Variants in SNX8 observed in about 807,000 individuals in gnomAD.
SNX8 encodes the protein sorting nexin-8.
Under a neutral mutation model 51.6 loss-of-function variants are expected in SNX8, and 25 were observed. The observed-to-expected ratio is 0.48, with a 90% CI of 0.35 to 0.68. SNX8 has a LOEUF of 0.68. Ranked by LOEUF, SNX8 falls within the 30% of genes least tolerant of loss-of-function variation. The pLI is 0.00. For missense variants in SNX8, 695 were observed against 624.0 expected (o/e 1.11, Z -1.21); for synonymous variants, 324 against 277.0 (o/e 1.17, Z -1.68).
intron 1 of SNX8, among the ~76,000 whole-genome samples, chr7:2,300,036 G>A (rs1418854187): frequency 2.0e-5 from 3 of 152,170 alleles, no homozygotes; most frequent in Non-Finnish European, 4.4e-5. Context: ...ACCAGAAAAT[G>A]TAACGCCTCA....
At chr7:2,285,554 G>T (rs1227857109) in intron 1 of SNX8, among the ~76,000 whole-genome samples, 2 of 152,172 alleles carry the variant, frequency 1.3e-5, no homozygotes, top group Non-Finnish European at 2.9e-5. Context: ...CTCGAACATG[G>T]AGAAATAGAG....
At chr7:2,257,658 C>T in intron 8 of SNX8, 77 bp downstream of exon 8, 2 of 1,574,462 alleles carry the variant, frequency 1.3e-6, no homozygotes, top group Non-Finnish European at 8.7e-7. Flanking sequence ...TTCCGTCCCC[C>T]AGGAGTTAGA....
Position 2,294,547 on chromosome 7 carries a change from G to A in SNX8, c.95-16242C>T, listed in dbSNP as rs1031057649. Among the ~76,000 whole-genome samples, 5 of 152,200 alleles carry A rather than the reference G, an allele frequency of 3.3e-5. No homozygotes were observed. In the South Asian group the frequency reaches 1.0e-3, roughly 31 times the overall value. On this transcript the variant is annotated intron_variant, in intron 1 of 10. Coordinates refer to ENST00000222990, the MANE Select transcript of SNX8 (RefSeq NM_013321.4). The stretch of plus-strand genomic sequence containing the variant: ...CCCAGCGGGTGATGACCTGCCCAAG[G>A]TCACAGAGCCAGCAAGGTGGCTGGG...
intron 1 of SNX8, among the ~76,000 whole-genome samples, chr7:2,334,692 T>A (rs1259096960): frequency 1.1e-4 from 17 of 150,928 alleles, no homozygotes; most frequent in African/African-American, 3.9e-4. Flanking sequence ...AGAGAGAGAC[T>A]CGGTCTCAAA....
intron 1 of SNX8, among the ~76,000 whole-genome samples, chr7:2,343,401 C>A (rs1274654299): frequency 6.6e-6 from 1 of 152,030 alleles, no homozygotes; most frequent in Non-Finnish European, 1.5e-5. Context: ...ACAGGCCGGG[C>A]ATGGTGGCTC....
intron 1 of SNX8, among the ~76,000 whole-genome samples, chr7:2,336,384 C>T (rs1778828948): frequency 6.6e-6 from 1 of 150,808 alleles, no homozygotes; most frequent in Non-Finnish European, 1.5e-5. Context: ...TGGGCAACTT[C>T]AGCCTGTCTC....
chr7:2,296,578 C>T (rs1796276817), intron 1 of SNX8, among the ~76,000 whole-genome samples: 1 of 151,866 alleles, frequency 6.6e-6, no homozygotes, highest in African/African-American at 2.4e-5. Context: ...ATTTCTCTTG[C>T]CTGATTGCTA....
At chr7:2,323,326 T>C (rs1227612357) in intron 1 of SNX8, among the ~76,000 whole-genome samples, 31 of 52,548 alleles carry the variant, frequency 5.9e-4, no homozygotes, top group Non-Finnish European at 6.7e-4. Flanking sequence ...TGAGAGTCTG[T>C]CTCAAAAAAA....
intron 1 of SNX8, among the ~76,000 whole-genome samples, chr7:2,299,048 C>G: frequency 6.6e-6 from 1 of 151,962 alleles, no homozygotes. Flanking sequence ...CCAGATCAAA[C>G]CACAGACAGA....
At chr7:2,315,596 C>G (rs1318988989), upstream of SNX8, among the ~76,000 whole-genome samples, 1 of 146,620 alleles carries the variant, frequency 6.8e-6, no homozygotes, top group Non-Finnish European at 1.5e-5. Flanking sequence ...TTCATCCATT[C>G]ACTCACTCAC....
chr7:2,303,049 A>G, intron 1 of SNX8, among the ~76,000 whole-genome samples: 1 of 147,718 alleles, frequency 6.8e-6, no homozygotes, highest in African/African-American at 2.5e-5. Context: ...CCCGTCCAGG[A>G]GGGAGGTGGG....
At position 2,263,362 on chromosome 7, in the gene SNX8, A is replaced by G; in HGVS notation, c.783T>C (p.Ser261=). The G allele has an allele frequency of 6.3e-7, 1 of 1,595,038 alleles. No homozygotes were observed. The highest frequency in any genetic ancestry group is 2.3e-5 in the East Asian group (1 of 44,030). The change falls in exon 7 of 11, where the codon AGT becomes AGC. Residue 261 remains serine, a splice_region_variant and synonymous_variant. Coordinates refer to ENST00000222990, the MANE Select transcript of SNX8 (RefSeq NM_013321.4). ...GCGGGGTCGTGTCAGACCCTATTGC[A>G]CTGAGGGAGCAAGCACACAGGAGAG... is the stretch of plus-strand genomic sequence containing the variant. ...ADLLIFGKEL[S]AIGSDTTPLP... is the part of the protein sequence containing the mutation.
At chr7:2,311,333 AG>A (rs1299102499) in intron 1 of SNX8, among the ~76,000 whole-genome samples, 1 of 152,220 alleles carries the variant, frequency 6.6e-6, no homozygotes, top group Non-Finnish European at 1.5e-5. Context: ...TCACACACAT[AG>A]TCTCCGGACA....
rs946880030 is a variant in SNX8, at chr7:2,296,385, G to A, written c.94+17943C>T. 1.4e-4 allele frequency among the ~76,000 whole-genome samples: 21 copies of A among 152,030 alleles called. 1 individual carries two copies. The highest frequency in any genetic ancestry group is 4.3e-4 in the African/African-American group (18 of 41,384). ...TCTTGATTTGATTCTCAGCTTGGTC[G>A]CTGCTGGCAGATAGCATGCTACTGA... On this transcript the variant is annotated intron_variant, in intron 1 of 10. Transcript: ENST00000222990.
intron 1 of SNX8, among the ~76,000 whole-genome samples, chr7:2,326,100 G>T (rs553683497): frequency 2.0e-5 from 3 of 152,268 alleles, no homozygotes; most frequent in African/African-American, 7.2e-5. Flanking sequence ...AGCCAGGCAC[G>T]GTGGCTCATG....
Position 2,350,807 on chromosome 7 carries a change from C to A in SNX8, c.-66+3415G>T, listed in dbSNP as rs536805427. Among the ~76,000 whole-genome samples the A allele has an allele frequency of 7.9e-3, 1,202 of 152,082 alleles. 10 individuals are homozygous for A. Among genetic ancestry groups the A allele is most frequent in the African/African-American group, 0.028 (1,152 of 41,474 alleles). On this transcript the variant is annotated intron_variant, in intron 1 of 5. Coordinates refer to the SNX8 transcript ENST00000435336. ...GATTACAGGCGCCTGCGGCCACACC[C>A]GGCTAAATTTTGTATTTTTAGTAGA...
rs548489987 is a variant in SNX8, at chr7:2,348,192, T to G, written c.-66+6030A>C. ...GATCGCCATCTGTAGGTGAATCGTT[T>G]CTTCTGCCAACTCGAATTCTGTCCA... On this transcript the variant is annotated intron_variant, in intron 1 of 5. Transcript: ENST00000435336. Among the ~76,000 whole-genome samples the G allele has an allele frequency of 7.7e-4, 117 of 152,210 alleles. 1 individual carries two copies. Among genetic ancestry groups the G allele is most frequent in the Non-Finnish European group, 1.0e-3 (69 of 68,020 alleles).
chr7:2,271,821 CG>C, intron 4 of SNX8, 28 bp downstream of exon 4: 2 of 1,579,562 alleles, frequency 1.3e-6, no homozygotes, highest in Non-Finnish European at 1.7e-6. Context: ...TCCCCGGGGC[CG>C]GGACATGGGC....
chr7:2,349,758 GGTCTCACTCT>G (rs1779103908), intron 1 of SNX8, among the ~76,000 whole-genome samples: 1 of 151,436 alleles, frequency 6.6e-6, no homozygotes, highest in South Asian at 2.1e-4. Context: ...CTTAAGACAA[GGTCTCACTCT>G]GTTGCCCAGG....
Sources: gnomAD v4.1 joint callset for allele counts (sites outside exome capture counted in the v4.1 genomes callset) on GRCh38, gnomAD v4.1.1 for gene constraint, MANE v1.5 for transcripts, NCBI Gene and HGNC (gene_info 2026-07-23, HGNC 2026-07-21) for gene names.